The following RBFOX1 variants were observed in gnomAD, a reference collection of about 807,000 sequenced individuals.
RBFOX1 encodes the protein RNA binding protein fox-1 homolog 1.
In RBFOX1, 8 loss-of-function variants were observed where a neutral mutation model predicts 57.7. The ratio of observed to expected loss-of-function variants is 0.14; its 90% CI spans 0.08 to 0.25. The LOEUF (loss-of-function observed/expected upper bound fraction) is 0.25. Ranked by LOEUF, RBFOX1 falls within the 10% of genes least tolerant of loss-of-function variation. RBFOX1 has a pLI of 1.00. For synonymous variants in RBFOX1, 326 were observed against 222.4 expected (o/e 1.47, Z -4.15); for missense variants, 611 against 548.5 (o/e 1.11, Z -1.14).
intron 3 of RBFOX1, among the ~76,000 whole-genome samples, chr16:6,954,839 T>C (rs1056324721): frequency 5.3e-5 from 8 of 152,152 alleles, no homozygotes; most frequent in African/African-American, 1.9e-4. Context: ...TTAGCAACTT[T>C]ATAACCTTGG....
At chr16:5,284,391 C>T (rs1338829173) in intron 1 of RBFOX1, among the ~76,000 whole-genome samples, 1 of 152,062 alleles carries the variant, frequency 6.6e-6, no homozygotes. Flanking sequence ...TCTGCTCTAT[C>T]AGAGAGTTTT....
intron 3 of RBFOX1, among the ~76,000 whole-genome samples, chr16:6,877,534 C>G (rs116936614): frequency 0.012 from 1,833 of 152,232 alleles, 22 homozygotes; most frequent in Non-Finnish European, 0.02. Flanking sequence ...ACTCTCAGTG[C>G]TTGGAATTCG....
chr16:5,595,028 C>T (rs868018566), intron 2 of RBFOX1, among the ~76,000 whole-genome samples: 103 of 150,950 alleles, frequency 6.8e-4, no homozygotes, highest in Middle Eastern at 6.9e-3. Context: ...CACCTCCAAT[C>T]CCAGCTGCTC....
intron 3 of RBFOX1, among the ~76,000 whole-genome samples, chr16:6,863,737 T>C (rs1469300001): frequency 6.2e-5 from 5 of 80,602 alleles, no homozygotes; most frequent in African/African-American, 1.4e-4. Context: ...TTTTTTTTTT[T>C]TTTTTTTTTT....
chr16:5,766,020 C>G (rs2053764294), intron 3 of RBFOX1, among the ~76,000 whole-genome samples: 1 of 152,192 alleles, frequency 6.6e-6, no homozygotes, highest in Non-Finnish European at 1.5e-5. Flanking sequence ...CCCATTGGGA[C>G]AGTGGGGACT....
At chr16:6,717,299 G>A (rs2160039) in intron 3 of RBFOX1, among the ~76,000 whole-genome samples, 78,202 of 151,818 alleles carry the variant, frequency 0.52, 21,662 homozygotes, top group Middle Eastern at 0.74. Context: ...TAATTGAGCC[G>A]CAAGCCTTGA....
At chr16:6,467,535 A>G (rs1597661559) in intron 2 of RBFOX1, among the ~76,000 whole-genome samples, 1 of 152,266 alleles carries the variant, frequency 6.6e-6, no homozygotes, top group South Asian at 2.1e-4. Flanking sequence ...AGGAGTTCTT[A>G]GCTGTAGAAT....
At chr16:7,544,636 A>C (rs746073405) in intron 5 of RBFOX1, among the ~76,000 whole-genome samples, 2 of 152,128 alleles carry the variant, frequency 1.3e-5, no homozygotes, top group Non-Finnish European at 2.9e-5. Flanking sequence ...GAGCCTTCAG[A>C]TGGAGCATGG....
At chr16:5,533,897 G>C (rs891270723) in intron 2 of RBFOX1, among the ~76,000 whole-genome samples, 4 of 152,150 alleles carry the variant, frequency 2.6e-5, no homozygotes, top group Admixed American at 2.6e-4. Flanking sequence ...AGAATTCTAA[G>C]ATGCAAGCAA....
chr16:6,986,877 G>T (rs1363868511), intron 3 of RBFOX1, among the ~76,000 whole-genome samples: 1 of 152,134 alleles, frequency 6.6e-6, no homozygotes, highest in African/African-American at 2.4e-5. Context: ...TAGAATCCTA[G>T]AATCTCAAGT....
chr16:6,119,116 T>A (rs1436796836), intron 1 of RBFOX1, among the ~76,000 whole-genome samples: 3 of 151,854 alleles, frequency 2.0e-5, no homozygotes, highest in African/African-American at 7.3e-5. Context: ...AGTTTCCACA[T>A]AGGTTTTACA....
chr16:7,419,625 T>A (rs1428671324), intron 4 of RBFOX1, among the ~76,000 whole-genome samples: 1 of 152,204 alleles, frequency 6.6e-6, no homozygotes, highest in Non-Finnish European at 1.5e-5. Context: ...CCCTTTCCCC[T>A]CTCCGCAGCC....
chr16:7,294,091 T>A (rs2095845454), intron 4 of RBFOX1, among the ~76,000 whole-genome samples: 1 of 152,188 alleles, frequency 6.6e-6, no homozygotes, highest in Non-Finnish European at 1.5e-5. Flanking sequence ...AGGCTTTGTT[T>A]GCCTTCAGGT....
intron 5 of RBFOX1, among the ~76,000 whole-genome samples, chr16:7,532,407 G>C (rs771547409): frequency 6.6e-6 from 1 of 152,188 alleles, no homozygotes; most frequent in African/African-American, 2.4e-5. Context: ...AGGGGAGATA[G>C]GGTATATTAA....
At chr16:7,411,393 T>G (rs2098423675) in intron 4 of RBFOX1, among the ~76,000 whole-genome samples, 1 of 152,196 alleles carries the variant, frequency 6.6e-6, no homozygotes, top group African/African-American at 2.4e-5. Flanking sequence ...ACACTCTTCC[T>G]TCTCTAAATT....
At chr16:6,742,204 A>G (rs998573765) in intron 3 of RBFOX1, among the ~76,000 whole-genome samples, 3 of 152,172 alleles carry the variant, frequency 2.0e-5, no homozygotes, top group African/African-American at 7.2e-5. Flanking sequence ...ACCAAAGAGG[A>G]TATATGGAGG....
intron 4 of RBFOX1, among the ~76,000 whole-genome samples, chr16:5,970,199 C>A (rs570525614): frequency 2.6e-5 from 4 of 152,222 alleles, no homozygotes; most frequent in African/African-American, 9.6e-5. Flanking sequence ...TCTCTGTCCA[C>A]TTATATCTTG....
chr16:5,682,755 A>T (rs1158550352), intron 3 of RBFOX1, among the ~76,000 whole-genome samples: 1 of 152,214 alleles, frequency 6.6e-6, no homozygotes, highest in Admixed American at 6.5e-5. Flanking sequence ...CTTGGCAGCC[A>T]CACATTGAAT....
intron 4 of RBFOX1, among the ~76,000 whole-genome samples, chr16:7,074,201 G>C (rs1300292484): frequency 6.6e-6 from 1 of 152,204 alleles, no homozygotes; most frequent in Non-Finnish European, 1.5e-5. Flanking sequence ...TAGGATTGAA[G>C]TAGACAAGGA....
Sources: gnomAD v4.1 joint callset for allele counts (sites outside exome capture counted in the v4.1 genomes callset) on GRCh38, gnomAD v4.1.1 for gene constraint, MANE v1.5 for transcripts, NCBI Gene and HGNC (gene_info 2026-07-23, HGNC 2026-07-21) for gene names.